CRHR1: variants seen among roughly 807,000 people sequenced by gnomAD.
The protein encoded by CRHR1 is corticotropin-releasing hormone receptor 1.
CRHR1 carries 28 observed loss-of-function variants against 56.0 expected under a neutral mutation model. That is an observed-to-expected ratio of 0.50 (90% CI 0.37 to 0.69). CRHR1 has a LOEUF of 0.69. Ranked by LOEUF, CRHR1 falls within the 30% of genes least tolerant of loss-of-function variation. The pLI is 0.00. For synonymous variants in CRHR1, 195 were observed against 216.5 expected, an observed-to-expected ratio of 0.90 and a Z score of 0.87; for missense variants, 376 against 548.0, an observed-to-expected ratio of 0.69 and a Z score of 3.13.
intron 1 of CRHR1, among the ~76,000 whole-genome samples, chr17:45,803,541 T>TG (rs1308160842): frequency 6.6e-6 from 1 of 152,132 alleles, no homozygotes; most frequent in African/African-American, 2.4e-5. Flanking sequence ...CATGCCACCA[T>TG]GCCCAGCTAA....
intron 1 of CRHR1, among the ~76,000 whole-genome samples, chr17:45,786,771 G>A (rs2061344547): frequency 6.6e-6 from 1 of 150,662 alleles, no homozygotes; most frequent in African/African-American, 2.4e-5. Context: ...CTCCAGAATA[G>A]CTGGGACCAC....
rs2062288569 is a variant in CRHR1, at chr17:45,830,791, C to T, written c.710-89C>T. On this transcript the variant is annotated intron_variant, in intron 7 of 12. Coordinates refer to ENST00000314537, the MANE Select transcript of CRHR1 (RefSeq NM_004382.5). ...AGATCCACCCTGAGTAACCCCAGAC[C>T]CCCTGGAGCCTGGGCTGCACTGGGG... 4.4e-6 allele frequency: 6 copies of T among 1,374,356 alleles called. No homozygotes were observed. The East Asian group carries it at 7.0e-5, about 16-fold the overall frequency. 85.1% of individuals were successfully genotyped at this position (1,374,356 alleles called of 1,614,324 possible). A position where few individuals can be genotyped will look rare whatever the true frequency, so the allele number is the denominator to read the frequency against.
At chr17:45,833,981 T>C in intron 11 of CRHR1, 26 bp from the exon 12 acceptor site, 1 of 1,613,864 alleles carries the variant, frequency 6.2e-7, no homozygotes, top group Middle Eastern at 1.6e-4. Flanking sequence ...GCAGCCGACC[T>C]TTGACGCCTC....
At chr17:45,811,500 C>T (rs242925) in intron 2 of CRHR1, among the ~76,000 whole-genome samples, 71,273 of 152,080 alleles carry the variant, frequency 0.47, 18,229 homozygotes, top group East Asian at 0.91. Context: ...CAGCTCACCC[C>T]CAACCTAAAG....
intron 2 of CRHR1, 84 bp downstream of exon 2, chr17:45,807,181 A>T: frequency 1.6e-6 from 2 of 1,266,004 alleles, no homozygotes; most frequent in Non-Finnish European, 2.3e-6. Context: ...TGCACACAGA[A>T]CCATGCCCTA....
intron 8 of CRHR1, among the ~76,000 whole-genome samples, chr17:45,832,290 C>T (rs929531690): frequency 2.0e-5 from 3 of 152,212 alleles, no homozygotes; most frequent in South Asian, 2.1e-4. Flanking sequence ...TGAGTCTGAG[C>T]GGCTCTGAAG....
At chr17:45,808,393 T>G (rs1365312930) in intron 2 of CRHR1, among the ~76,000 whole-genome samples, 1 of 152,132 alleles carries the variant, frequency 6.6e-6, no homozygotes, top group East Asian at 1.9e-4. Context: ...GAAGGCACAC[T>G]GGGTCCCTGT....
intron 2 of CRHR1, among the ~76,000 whole-genome samples, chr17:45,809,686 G>A (rs2050536405): frequency 6.6e-6 from 1 of 152,238 alleles, no homozygotes; most frequent in South Asian, 2.1e-4. Context: ...TGAGGGTGGG[G>A]CGGAGGGGCG....
intron 4 of CRHR1, 95 bp downstream of exon 4, chr17:45,821,535 G>T: frequency 8.4e-7 from 1 of 1,184,338 alleles, no homozygotes; most frequent in Non-Finnish European, 1.2e-6. Flanking sequence ...GGAGCCAGAG[G>T]CTAATGTCAA....
intron 5 of CRHR1, 155 bp downstream of exon 5, chr17:45,829,476 T>C: frequency 7.1e-7 from 1 of 1,405,132 alleles, no homozygotes; most frequent in East Asian, 2.5e-5. Context: ...TCTGGGAACC[T>C]CTGGCAGAGC....
chr17:45,785,936 G>T lies in CRHR1; in HGVS notation c.33+1359G>T, dbSNP rs983878796. Among the ~76,000 whole-genome samples, 7 of 152,226 alleles carry T rather than the reference G, an allele frequency of 4.6e-5. 1 individual carries two copies. In the South Asian group the frequency reaches 1.5e-3, roughly 32 times the overall value. ...GGGATGAACTCAGATTATTTTCTGGGCGTTCGAGGAGACAGACAGGTGAGG... is the reference window on the plus strand; with the variant it reads ...GGGATGAACTCAGATTATTTTCTGGTCGTTCGAGGAGACAGACAGGTGAGG... On this transcript the variant is annotated intron_variant, in intron 1 of 12. Coordinates refer to ENST00000314537, the MANE Select transcript of CRHR1 (RefSeq NM_004382.5).
intron 3 of CRHR1, 123 bp downstream of exon 3, chr17:45,816,705 C>T (rs2061936432): frequency 5.4e-6 from 8 of 1,471,118 alleles, no homozygotes; most frequent in Non-Finnish European, 5.5e-6. Flanking sequence ...GGGATCGCCC[C>T]TGTTTTCCAA....
In CRHR1 at chr17:45,830,943, A is replaced by G; in HGVS notation, c.770+3A>G. On this transcript the variant is annotated splice_donor_region_variant and intron_variant, in intron 8 of 12. Coordinates refer to ENST00000314537, the MANE Select transcript of CRHR1 (RefSeq NM_004382.5). ...AAGCTGTACTACGACAATGAGAAGT[A>G]AGTCATCTCCTTTCCCTTCCTGACC... is the stretch of plus-strand genomic sequence containing the variant. 6.2e-6 allele frequency: 10 copies of G among 1,613,684 alleles called. No homozygotes were observed. The highest frequency in any genetic ancestry group is 8.5e-6 in the Non-Finnish European group (10 of 1,179,766).
Position 45,831,538 on chromosome 17 carries a change from G to A in CRHR1, c.770+598G>A, listed in dbSNP as rs1598449661. ...TGGAAACTTGATTTCTGCTGCAGTG[G>A]AGCTCAACTTTGGCTCACATTAGAA... On this transcript the variant is annotated intron_variant, in intron 8 of 12. Transcript: ENST00000314537. 3.3e-5 allele frequency among the ~76,000 whole-genome samples: 5 copies of A among 152,270 alleles called. No homozygotes were observed. In the South Asian group the frequency reaches 1.0e-3, roughly 32 times the overall value.
chr17:45,829,702 G>A, intron 5 of CRHR1: 1 of 1,491,724 alleles, frequency 6.7e-7, no homozygotes, highest in Non-Finnish European at 9.1e-7. Context: ...CCGGGGATGG[G>A]GATGGTTGGG....
At position 45,789,293 on chromosome 17, in the gene CRHR1, C is replaced by G. The variant is rs115639814; in HGVS notation, c.33+4716C>G. Among the ~76,000 whole-genome samples the G allele has an allele frequency of 8.0e-3, 1,212 of 152,254 alleles. 19 individuals are homozygous for G. The highest frequency in any genetic ancestry group is 0.028 in the African/African-American group (1,153 of 41,528). Reference sequence around the variant, plus strand: ...AGATTTCAGCTGCAGTTTTAATAGTCAAACAATGAATTTGTTAACTACAAA... The same window carrying G: ...AGATTTCAGCTGCAGTTTTAATAGTGAAACAATGAATTTGTTAACTACAAA... On this transcript the variant is annotated intron_variant, in intron 1 of 12. Transcript: ENST00000314537.
At chr17:45,830,016 G>C (rs1380830771) in intron 5 of CRHR1, 78 bp from the exon 6 acceptor site, 1 of 1,592,978 alleles carries the variant, frequency 6.3e-7, no homozygotes, top group Non-Finnish European at 8.5e-7. Context: ...ACACATCTGG[G>C]CTGGGGTGAT....
chr17:45,787,903 C>T (rs984869349), intron 1 of CRHR1, among the ~76,000 whole-genome samples: 2 of 152,174 alleles, frequency 1.3e-5, no homozygotes, highest in Admixed American at 6.5e-5. Context: ...GGCCTGGCCA[C>T]AGACTGGGGG....
At chr17:45,798,424 G>T (rs2061558822) in intron 1 of CRHR1, among the ~76,000 whole-genome samples, 1 of 151,938 alleles carries the variant, frequency 6.6e-6, no homozygotes, top group Non-Finnish European at 1.5e-5. Context: ...TACTCAGGAG[G>T]CTGAGGCATG....
Sources: allele counts gnomAD v4.1 joint callset (sites outside exome capture counted in the v4.1 genomes callset), GRCh38; gene constraint gnomAD v4.1.1; transcripts MANE v1.5; gene names NCBI Gene and HGNC (gene_info 2026-07-23, HGNC 2026-07-21).